The following TNN variants were observed in gnomAD, a reference collection of about 807,000 sequenced individuals.
TNN encodes the protein tenascin-N.
Under a neutral mutation model 134.4 loss-of-function variants are expected in TNN, and 122 were observed. That is an observed-to-expected ratio of 0.91 (90% CI 0.78 to 1.06). TNN has a LOEUF of 1.06. TNN is among the 50% of genes least tolerant of loss of function. The pLI, the probability that TNN is intolerant of heterozygous loss-of-function variation, is 0.00. For synonymous variants in TNN, 710 were observed against 670.3 expected (o/e 1.06, Z -0.91); for missense variants, 1,739 against 1,699.4 (o/e 1.02, Z -0.41).
At chr1:175,101,126 T>C (rs1674710976) in intron 9 of TNN, among the ~76,000 whole-genome samples, 2 of 152,362 alleles carry the variant, frequency 1.3e-5, no homozygotes, top group Middle Eastern at 3.4e-3. Flanking sequence ...AGAATGAAGC[T>C]GCGGACCCTC....
chr1:175,108,378 G>A (rs1293106452), intron 9 of TNN, among the ~76,000 whole-genome samples: 1 of 152,242 alleles, frequency 6.6e-6, no homozygotes, highest in Non-Finnish European at 1.5e-5. Context: ...ACCAGACCAG[G>A]AGCCCAGCTG....
At chr1:175,134,983 C>T (rs1260262386) in intron 15 of TNN, among the ~76,000 whole-genome samples, 2 of 152,296 alleles carry the variant, frequency 1.3e-5, no homozygotes, top group East Asian at 3.9e-4. Flanking sequence ...TTTAAAGGCT[C>T]ACCAGGACTG....
chr1:175,087,806 C>T (rs1481342350), intron 6 of TNN, among the ~76,000 whole-genome samples: 1 of 152,230 alleles, frequency 6.6e-6, no homozygotes, highest in Admixed American at 6.5e-5. Context: ...CAGGTTAGGA[C>T]CTGTACTTCT....
At chr1:175,069,027 A>G (rs561302076) in intron 1 of TNN, among the ~76,000 whole-genome samples, 21 of 152,356 alleles carry the variant, frequency 1.4e-4, no homozygotes, top group African/African-American at 5.0e-4. Flanking sequence ...TGGAGAAAGA[A>G]TGAATGAGAA....
intron 7 of TNN, among the ~76,000 whole-genome samples, chr1:175,096,076 G>A (rs1198985389): frequency 6.6e-6 from 1 of 152,218 alleles, no homozygotes; most frequent in Non-Finnish European, 1.5e-5. Context: ...GAGAAGACAA[G>A]TTAAAAAGAT....
chr1:175,082,186 C>T (rs1674212352), intron 4 of TNN, among the ~76,000 whole-genome samples: 1 of 152,188 alleles, frequency 6.6e-6, no homozygotes, highest in African/African-American at 2.4e-5. Context: ...GCCTCTGGTA[C>T]AGCTAGCACT....
At position 175,118,009 on chromosome 1, in the gene TNN, G is replaced by A. The variant is rs138555341; in HGVS notation, c.2387-552G>A. On this transcript the variant is annotated intron_variant, in intron 10 of 18. Transcript: ENST00000239462. ...ATTCAACCAGGGTTTTACTTTTTGC[G>A]GATTCCTTTAGTAATATATAGTGAG... is the stretch of plus-strand genomic sequence containing the variant. Among the ~76,000 whole-genome samples, 530 of 152,274 alleles carry A rather than the reference G, an allele frequency of 3.5e-3. 3 individuals carry two copies. Among genetic ancestry groups the A allele is most frequent in the African/African-American group, 0.012 (502 of 41,556 alleles).
At chr1:175,143,083 G>T (rs1417801043) in intron 17 of TNN, among the ~76,000 whole-genome samples, 1 of 152,190 alleles carries the variant, frequency 6.6e-6, no homozygotes, top group Admixed American at 6.5e-5. Context: ...CCTGGACTTG[G>T]AATCTCAGGA....
At chr1:175,101,840 T>C (rs1674732553) in intron 9 of TNN, among the ~76,000 whole-genome samples, 1 of 149,502 alleles carries the variant, frequency 6.7e-6, no homozygotes, top group Non-Finnish European at 1.5e-5. Flanking sequence ...ACAGTGTCGA[T>C]TGGTGCACTC....
intron 2 of TNN, 77 bp downstream of exon 2, chr1:175,077,904 A>G (rs1208362349): frequency 6.9e-7 from 1 of 1,441,088 alleles, no homozygotes; most frequent in Non-Finnish European, 9.4e-7. Flanking sequence ...CACTAGCCTC[A>G]TGAGCACTTT....
At position 175,080,160 on chromosome 1, in the gene TNN, C is replaced by A; in HGVS notation, c.785-3C>A. 5.6e-6 allele frequency: 9 copies of A among 1,613,558 alleles called. No homozygotes were observed. Among genetic ancestry groups the A allele is most frequent in the Non-Finnish European group, 7.6e-6 (9 of 1,179,882 alleles). On this transcript the variant is annotated splice_region_variant and splice_polypyrimidine_tract_variant and intron_variant, in intron 3 of 18. Transcript: ENST00000239462. ...CTCTGCCCTGTTCCTGTTCTGCCTGCAGTGGTCACCCCACAGGGCCTGCAG... is the reference window on the plus strand; with the variant it reads ...CTCTGCCCTGTTCCTGTTCTGCCTGAAGTGGTCACCCCACAGGGCCTGCAG...
intron 9 of TNN, among the ~76,000 whole-genome samples, chr1:175,108,480 C>T (rs1428832811): frequency 2.6e-5 from 4 of 152,216 alleles, no homozygotes; most frequent in African/African-American, 7.2e-5. Flanking sequence ...CTTGGGTGGT[C>T]GATGGGACTG....
chr1:175,130,923 C>T (rs947654407), intron 15 of TNN, among the ~76,000 whole-genome samples: 3 of 152,142 alleles, frequency 2.0e-5, no homozygotes, highest in Non-Finnish European at 4.4e-5. Flanking sequence ...AGCCAGACTC[C>T]TGGGGGTCAT....
At chr1:175,122,878 C>A (rs928432640) in intron 11 of TNN, among the ~76,000 whole-genome samples, 3 of 152,140 alleles carry the variant, frequency 2.0e-5, no homozygotes, top group African/African-American at 7.2e-5. Context: ...GGCAGATCTG[C>A]AGCAAAGTCC....
At chr1:175,119,888 A>T (rs948196534) in intron 11 of TNN, among the ~76,000 whole-genome samples, 6 of 152,024 alleles carry the variant, frequency 3.9e-5, no homozygotes, top group Admixed American at 2.6e-4. Context: ...TCCGCCTACC[A>T]TGGCCTCCCA....
At position 175,107,407 on chromosome 1, in the gene TNN, A is replaced by G. The variant is rs550446194; in HGVS notation, c.2119+8812A>G. The stretch of plus-strand genomic sequence containing the variant: ...GGTGGGTTCGTGGTCTCGCTGGCTC[A>G]GGAGTGAAGCTGCAGACCTTCGTGG... On this transcript the variant is annotated intron_variant, in intron 9 of 18. Transcript: ENST00000239462. Among the ~76,000 whole-genome samples, 137 of 144,056 alleles carry G rather than the reference A, an allele frequency of 9.5e-4. 11 individuals are homozygous for G. The highest frequency in any genetic ancestry group is 3.4e-3 in the African/African-American group (135 of 40,034). The allele number at this position is 144,056 out of a possible 152,430, so 94.5% of individuals were successfully genotyped here.
intron 13 of TNN, 25 bp from the exon 14 acceptor site, chr1:175,128,007 G>C (rs1439688505): frequency 6.2e-7 from 1 of 1,613,994 alleles, no homozygotes; most frequent in Admixed American, 1.7e-5. Context: ...GTCACTGGCT[G>C]TCTAATCTCT....
intron 6 of TNN, 24 bp downstream of exon 6, chr1:175,085,518 TG>T: frequency 6.7e-7 from 1 of 1,486,932 alleles, no homozygotes; most frequent in Non-Finnish European, 9.4e-7. Context: ...GGAGGCACTA[TG>T]GGCATTTAAT....
Position 175,080,942 on chromosome 1 carries a change from G to C in TNN, c.1048+516G>C, listed in dbSNP as rs565599988. 1.2e-4 allele frequency among the ~76,000 whole-genome samples: 18 copies of C among 152,346 alleles called. No individual in the cohort carries two copies. The South Asian group carries it at 3.5e-3, about 30-fold the overall frequency. On this transcript the variant is annotated intron_variant, in intron 4 of 18. Transcript: ENST00000239462. ...CCTGCATCAATAAGGATACTCTCCT[G>C]CCTGAAGGGGCAAGGGATAGATGTT...
Sources: gnomAD v4.1 joint callset for allele counts (sites outside exome capture counted in the v4.1 genomes callset) on GRCh38, gnomAD v4.1.1 for gene constraint, MANE v1.5 for transcripts, NCBI Gene and HGNC (gene_info 2026-07-23, HGNC 2026-07-21) for gene names.